The following TUBGCP5 variants were observed in gnomAD, a reference collection of about 807,000 sequenced individuals.
TUBGCP5 encodes the protein tubulin gamma complex component 5.
TUBGCP5 carries 98 observed loss-of-function variants against 134.7 expected under a neutral mutation model. That is an observed-to-expected ratio of 0.73 (90% confidence interval 0.62 to 0.86). TUBGCP5 has a LOEUF of 0.86. Ranked by LOEUF, TUBGCP5 falls within the 40% of genes least tolerant of loss-of-function variation. The probability of loss-of-function intolerance (pLI) is 0.00; values close to 1 mark genes in which losing one functional copy is unlikely to be tolerated. For missense variants in TUBGCP5, 1,150 were observed against 1,244.8 expected (o/e 0.92, Z 1.15); for synonymous variants, 456 against 431.4 (o/e 1.06, Z -0.71).
At position 23,028,379 on chromosome 15, in the gene TUBGCP5, T is replaced by TA. The variant is rs762310901; in HGVS notation, c.623-1074dup. Reference sequence around the variant, plus strand: ...TGGGTGACAGAGCAGGGCCCGGTCTTAAAAAAAAAAAAAAAAAAAAAGCAA... The same window carrying TA: ...TGGGTGACAGAGCAGGGCCCGGTCTTAAAAAAAAAAAAAAAAAAAAAAGCAA... On this transcript the variant is annotated intron_variant, in intron 6 of 22. Coordinates refer to ENST00000615383, the MANE Select transcript of TUBGCP5 (RefSeq NM_052903.6). Among the ~76,000 whole-genome samples the TA allele has an allele frequency of 4.5e-3, 411 of 90,974 alleles. 3 individuals are homozygous for TA. Among genetic ancestry groups the TA allele is most frequent in the African/African-American group, 0.011 (249 of 22,148 alleles). 59.7% of individuals were successfully genotyped at this position (90,974 alleles called of 152,430 possible).
At chr15:23,011,024 G>C in intron 14 of TUBGCP5, 109 bp downstream of exon 14, 1 of 1,011,844 alleles carries the variant, frequency 9.9e-7, no homozygotes, top group Non-Finnish European at 1.5e-6. Flanking sequence ...AGAAAGGATA[G>C]CCTACAAGAG....
intron 8 of TUBGCP5, 38 bp downstream of exon 8, chr15:23,026,078 G>A: frequency 2.6e-6 from 4 of 1,523,690 alleles, no homozygotes; most frequent in South Asian, 2.4e-5. Flanking sequence ...CAGTAATCAA[G>A]TCTCATAAAG....
Position 23,004,225 on chromosome 15 carries a change from A to G in TUBGCP5, c.2715T>C (p.Ile905=). Residue 905 remains isoleucine, a splice_region_variant and synonymous_variant, in exon 20 of 23, where the codon ATT becomes ATC. Coordinates refer to ENST00000615383, the MANE Select transcript of TUBGCP5 (RefSeq NM_052903.6). ...GAAACTCCAGCCCTGTACTGTGTAG[A>G]ATCTTGGAAGAGAAAGATAAAAAGC... ...NSLHNYIMTR[I]LHSTGLEFQH... is the part of the protein sequence containing the mutation. 1 of 1,605,602 alleles carries G rather than the reference A, an allele frequency of 6.2e-7. No homozygotes were observed. The highest frequency in any genetic ancestry group is 1.1e-5 in the South Asian group (1 of 88,518).
intron 19 of TUBGCP5, 56 bp from the exon 20 acceptor site, chr15:23,004,283 C>T (rs1350921091): frequency 6.3e-7 from 1 of 1,581,666 alleles, no homozygotes; most frequent in Non-Finnish European, 8.6e-7. Context: ...GACTTGTGTG[C>T]TGCACACAAA....
In TUBGCP5 at chr15:23,027,271, CATG is replaced by C. The variant is rs1245095655; in HGVS notation, c.655_657del (p.His219del). 21 of 1,613,870 alleles carry C rather than the reference CATG, an allele frequency of 1.3e-5. No individual in the cohort carries two copies. In the Admixed American group the frequency reaches 3.5e-4, roughly 27 times the overall value. On this transcript the variant is annotated inframe_deletion, in exon 7 of 23. Coordinates refer to ENST00000615383, the MANE Select transcript of TUBGCP5 (RefSeq NM_052903.6). ...CTGGCTGTCCAGTACTGATGGACCA[CATG>C]ATGTTCCAGCCAGCTTCGGTCATCT... is the stretch of plus-strand genomic sequence containing the variant.
chr15:23,005,232 C>T lies in TUBGCP5; in HGVS notation c.2712+200G>A, dbSNP rs189394926. ...AGGGGCTGCTGGACTGGAGGGACAA[C>T]AGCCTCTGGATACACATATTCCGGT... On this transcript the variant is annotated intron_variant, in intron 19 of 22. Coordinates refer to ENST00000615383, the MANE Select transcript of TUBGCP5 (RefSeq NM_052903.6). Among the ~76,000 whole-genome samples the T allele has an allele frequency of 5.0e-3, 758 of 152,292 alleles. 3 individuals carry two copies. The highest frequency in any genetic ancestry group is 5.4e-3 in the Admixed American group (82 of 15,300).
At chr15:23,031,461 C>T (rs1385218833) in intron 5 of TUBGCP5, among the ~76,000 whole-genome samples, 1 of 151,872 alleles carries the variant, frequency 6.6e-6, no homozygotes, top group Non-Finnish European at 1.5e-5. Context: ...GGATTACAGG[C>T]GTGTACCACC....
At chr15:23,016,986 A>ATATG (rs373904143) in intron 13 of TUBGCP5, among the ~76,000 whole-genome samples, 7 of 138,288 alleles carry the variant, frequency 5.1e-5, no homozygotes, top group Non-Finnish European at 7.9e-5. Flanking sequence ...ATATATATAT[A>ATATG]TGTATATATC....
chr15:22,989,462 C>T (rs755202418), intron 23 of TUBGCP5, among the ~76,000 whole-genome samples: 1 of 120,386 alleles, frequency 8.3e-6, no homozygotes, highest in South Asian at 3.1e-4. Flanking sequence ...AAAAAGACCA[C>T]CACAACCCAC....
At chr15:23,029,937 G>A (rs1223463047) in intron 6 of TUBGCP5, among the ~76,000 whole-genome samples, 1 of 152,186 alleles carries the variant, frequency 6.6e-6, no homozygotes, top group Non-Finnish European at 1.5e-5. Flanking sequence ...GCTCACATCT[G>A]TAATCCCAGC....
At chr15:23,026,550 C>T (rs2140598885) in intron 7 of TUBGCP5, among the ~76,000 whole-genome samples, 1 of 152,042 alleles carries the variant, frequency 6.6e-6, no homozygotes, top group East Asian at 1.9e-4. Context: ...CTGAAATTAA[C>T]AACAAAAAAT....
chr15:23,017,981 G>T lies in TUBGCP5; in HGVS notation c.1548C>A (p.Ser516Arg). ...DFWYATYTLY[S>R]VSEKTENEEK... Reference sequence around the variant, plus strand: ...CTTCATTTTCTGTCTTTTCTGATACGCTATATAACGTGTAAGTTGCATACC... The same window carrying T: ...CTTCATTTTCTGTCTTTTCTGATACTCTATATAACGTGTAAGTTGCATACC... Residue 516 changes from serine to arginine, a missense_variant, in exon 13 of 23, where the codon AGC (serine) becomes AGA (arginine). By Grantham distance (110) the Ser-to-Arg change is moderately radical. Coordinates refer to ENST00000615383, the MANE Select transcript of TUBGCP5 (RefSeq NM_052903.6). The T allele has an allele frequency of 6.2e-7, 1 of 1,614,042 alleles. No homozygotes were observed. The highest frequency in any genetic ancestry group is 8.5e-7 in the Non-Finnish European group (1 of 1,179,954).
rs2066639988 is a variant in TUBGCP5, at chr15:23,037,163, C to T, written c.147-11G>A. 1 of 1,611,030 alleles carries T rather than the reference C, an allele frequency of 6.2e-7. No homozygotes were observed. Among genetic ancestry groups the T allele is most frequent in the South Asian group, 1.1e-5 (1 of 90,226 alleles). ...AAGAAACGATGAAATCTATTAAAGA[C>T]AAAATGCAATTCTTATGCCAACTCT... On this transcript the variant is annotated splice_polypyrimidine_tract_variant and intron_variant, in intron 1 of 22. Coordinates refer to ENST00000615383, the MANE Select transcript of TUBGCP5 (RefSeq NM_052903.6).
intron 23 of TUBGCP5, among the ~76,000 whole-genome samples, chr15:22,991,538 G>A (rs1251473635): frequency 3.3e-5 from 5 of 152,062 alleles, no homozygotes; most frequent in Non-Finnish European, 5.9e-5. Flanking sequence ...CGGAGGCTTG[G>A]GGAGAGGCAG....
chr15:23,017,797 T>TG lies in TUBGCP5; in HGVS notation c.1731dup (p.Thr578HisfsTer40). ...CCTCTGGCTCCTGCCTGGCAGGTGG[T>TG]GCTCTCCGCACACTGCAGGTTCTTC... is the stretch of plus-strand genomic sequence containing the variant. On this transcript the variant is annotated frameshift_variant, in exon 13 of 23. Transcript: ENST00000615383. LOFTEE classifies it high-confidence loss of function. 2.5e-6 allele frequency: 4 copies of TG among 1,613,696 alleles called. No homozygotes were observed. Among genetic ancestry groups the TG allele is most frequent in the Non-Finnish European group, 3.4e-6 (4 of 1,179,748 alleles).
chr15:22,999,648 G>T lies in TUBGCP5; in HGVS notation c.*172C>A, dbSNP rs549902012. 4.5e-6 allele frequency: 3 copies of T among 672,544 alleles called. No individual in the cohort carries two copies. The highest frequency in any genetic ancestry group is 2.9e-4 in the Middle Eastern group (1 of 3,486). The allele number at this position is 672,544 out of a possible 1,614,324, so 41.7% of individuals were successfully genotyped here. A position where few individuals can be genotyped will look rare whatever the true frequency, so the allele number is the denominator to read the frequency against. Reference sequence around the variant, plus strand: ...ACTCCTGGGCTCAAGTGATCTGCCTGTCTTGGCCTCCCATCGTGCTGGGAT... The same window carrying T: ...ACTCCTGGGCTCAAGTGATCTGCCTTTCTTGGCCTCCCATCGTGCTGGGAT... On this transcript the variant is annotated 3_prime_UTR_variant, in exon 23 of 23. Coordinates refer to ENST00000615383, the MANE Select transcript of TUBGCP5 (RefSeq NM_052903.6).
intron 1 of TUBGCP5, among the ~76,000 whole-genome samples, chr15:23,038,510 A>C (rs1016880680): frequency 6.6e-6 from 1 of 152,226 alleles, no homozygotes; most frequent in Non-Finnish European, 1.5e-5. Flanking sequence ...ATTACTTCAG[A>C]AACTTGGCAT....
intron 7 of TUBGCP5, 24 bp from the exon 8 acceptor site, chr15:23,026,229 T>C (rs1224606760): frequency 6.3e-7 from 1 of 1,595,756 alleles, no homozygotes; most frequent in East Asian, 2.2e-5. Flanking sequence ...AACATAAATG[T>C]CAATAGAAAG....
At chr15:23,023,695 G>C (rs1436664060) in intron 10 of TUBGCP5, 2 of 351,562 alleles carry the variant, frequency 5.7e-6, no homozygotes, top group African/African-American at 4.2e-5. Context: ...TCTCTGGAGA[G>C]GAGAACTGAC....
Sources: gnomAD v4.1 joint callset for allele counts (sites outside exome capture counted in the v4.1 genomes callset) on GRCh38, gnomAD v4.1.1 for gene constraint, MANE v1.5 for transcripts, NCBI Gene and HGNC (gene_info 2026-07-23, HGNC 2026-07-21) for gene names.